AGPS: variants seen among roughly 807,000 people sequenced by gnomAD.
AGPS encodes alkylglycerone phosphate synthase.
Under a neutral mutation model 90.7 loss-of-function variants are expected in AGPS, and 26 were observed. The ratio of observed to expected loss-of-function variants is 0.29; its 90% confidence interval spans 0.21 to 0.40. The LOEUF is 0.40. AGPS is among the 10% of genes least tolerant of loss of function. The pLI is 1.00. For missense variants in AGPS, 540 were observed against 816.1 expected, an observed-to-expected ratio of 0.66 and a Z score of 4.12; for synonymous variants, 294 against 285.3, an observed-to-expected ratio of 1.03 and a Z score of -0.31.
intron 11 of AGPS, among the ~76,000 whole-genome samples, chr2:177,488,328 TCAGGCTCCTGAGTAGCTGGGACTA>T (rs1366266027): frequency 1.3e-5 from 2 of 151,832 alleles, no homozygotes; most frequent in Non-Finnish European, 2.9e-5. Context: ...TTCTCCTGCC[TCAGGCTCCTGAGTAGCTGGGACTA>T]CAGGCGCCCG....
chr2:177,485,005 C>T (rs1328233666), intron 11 of AGPS, among the ~76,000 whole-genome samples: 2 of 151,930 alleles, frequency 1.3e-5, no homozygotes, highest in African/African-American at 4.8e-5. Flanking sequence ...TGGACTCAAG[C>T]GATCCTCCAG....
rs550269472 is a variant in AGPS at position 177,503,765 on chromosome 2, A to G, written c.1476-1741A>G. On this transcript the variant is annotated intron_variant, in intron 14 of 19. Coordinates refer to ENST00000264167, the MANE Select transcript of AGPS (RefSeq NM_003659.4). ...TTTCAAAAAGTTCAGTCATAAGTCTATGATTTCCTTGTAAAGCCCAGACTG... is the reference window on the plus strand; with the variant it reads ...TTTCAAAAAGTTCAGTCATAAGTCTGTGATTTCCTTGTAAAGCCCAGACTG... Among the ~76,000 whole-genome samples the G allele has an allele frequency of 3.9e-5, 6 of 152,306 alleles. No individual in the cohort carries two copies. In the South Asian group the frequency reaches 8.3e-4, roughly 21 times the overall value.
At chr2:177,517,541 G>A (rs1689055529) in intron 17 of AGPS, among the ~76,000 whole-genome samples, 1 of 151,926 alleles carries the variant, frequency 6.6e-6, no homozygotes, top group African/African-American at 2.4e-5. Context: ...CGTTTCATCT[G>A]GTCTGTTTAG....
intron 8 of AGPS, among the ~76,000 whole-genome samples, chr2:177,454,754 C>T (rs1431993640): frequency 6.6e-6 from 1 of 152,082 alleles, no homozygotes; most frequent in African/African-American, 2.4e-5. Context: ...CTAGTTCTTG[C>T]TTTTATGATC....
chr2:177,421,859 T>C (rs1221330479), intron 2 of AGPS, among the ~76,000 whole-genome samples: 1 of 152,134 alleles, frequency 6.6e-6, no homozygotes, highest in Non-Finnish European at 1.5e-5. Context: ...CATTTCTCCT[T>C]CTCTTTTTCT....
intron 2 of AGPS, among the ~76,000 whole-genome samples, chr2:177,429,279 G>T (rs953118267): frequency 6.6e-6 from 1 of 152,098 alleles, no homozygotes. Context: ...AGCGAAGTTC[G>T]TTATTACCCA....
intron 11 of AGPS, among the ~76,000 whole-genome samples, chr2:177,485,927 CA>C (rs1040884275): frequency 1.3e-5 from 2 of 151,386 alleles, no homozygotes; most frequent in African/African-American, 2.4e-5. Context: ...AAAAAACAAA[CA>C]AAAAAAACTG....
chr2:177,450,964 A>ATTCATATATATATATG (rs1686923517), intron 8 of AGPS, among the ~76,000 whole-genome samples: 1 of 123,750 alleles, frequency 8.1e-6, no homozygotes, highest in East Asian at 2.6e-4. Flanking sequence ...CATGTCTTTC[A>ATTCATATATATATATG]TATATATATA....
At chr2:177,479,903 G>A (rs1260310138) in intron 10 of AGPS, among the ~76,000 whole-genome samples, 1 of 152,172 alleles carries the variant, frequency 6.6e-6, no homozygotes, top group East Asian at 1.9e-4. Context: ...TTTTGGGGCC[G>A]GGTGCAGTGG....
intron 12 of AGPS, among the ~76,000 whole-genome samples, chr2:177,494,861 C>T (rs982298667): frequency 2.0e-5 from 3 of 152,004 alleles, no homozygotes; most frequent in African/African-American, 4.8e-5. Context: ...TTAATTGAAG[C>T]CTTTACATTA....
chr2:177,521,164 A>G, intron 17 of AGPS, 105 bp from the exon 18 acceptor site: 1 of 992,112 alleles, frequency 1.0e-6, no homozygotes, highest in Non-Finnish European at 1.6e-6. Context: ...AACTGAGATT[A>G]TATCTTAAAC....
chr2:177,413,787 G>A (rs1180575654), intron 1 of AGPS, among the ~76,000 whole-genome samples: 1 of 152,188 alleles, frequency 6.6e-6, no homozygotes, highest in African/African-American at 2.4e-5. Context: ...AAGCTTGTGT[G>A]AGTGGATATG....
chr2:177,465,786 T>A (rs1687427352), intron 9 of AGPS, among the ~76,000 whole-genome samples: 3 of 152,234 alleles, frequency 2.0e-5, no homozygotes, highest in Admixed American at 2.0e-4. Flanking sequence ...AGGGAGCTCC[T>A]AGGTCTGGGC....
At chr2:177,526,838 A>G (rs2079092619) in intron 19 of AGPS, among the ~76,000 whole-genome samples, 1 of 152,232 alleles carries the variant, frequency 6.6e-6, no homozygotes, top group Admixed American at 6.5e-5. Context: ...ACATTTATAA[A>G]GCTGTGAATA....
intron 8 of AGPS, among the ~76,000 whole-genome samples, chr2:177,455,458 T>C (rs1004867292): frequency 4.6e-5 from 7 of 152,138 alleles, no homozygotes; most frequent in African/African-American, 1.7e-4. Context: ...AAACTTTTTT[T>C]TTTTCTTTTT....
At chr2:177,426,066 C>T (rs941858711) in intron 2 of AGPS, among the ~76,000 whole-genome samples, 6 of 151,994 alleles carry the variant, frequency 3.9e-5, no homozygotes, top group African/African-American at 4.8e-5. Context: ...CTCTGAGTTC[C>T]GTGAGCAGTG....
chr2:177,392,885 C>G lies in AGPS; in HGVS notation c.96C>G (p.Asp32Glu), dbSNP rs757027567. Residue 32 changes from aspartate (D) to glutamate (E), a missense_variant, in exon 1 of 20, where the codon GAC becomes GAG. Around this residue, in one of 2 missense-constraint regions of AGPS, gnomAD observed 135 missense variants for 124.0 expected, o/e 1.09. Transcript: ENST00000264167. ...ACCGGGACCGGGACCCGGACCCGGA[C>G]CGCGCCGGGCGGAGGCTGCGGGTTC... is the stretch of plus-strand genomic sequence containing the variant. ...AADRDRDPDP[D>E]RAGRRLRVLS... 3 of 1,550,402 alleles carry G rather than the reference C, an allele frequency of 1.9e-6. No homozygotes were observed. Among genetic ancestry groups the G allele is most frequent in the African/African-American group, 1.4e-5 (1 of 72,878 alleles).
chr2:177,437,191 A>G, intron 5 of AGPS, 137 bp downstream of exon 5: 2 of 826,510 alleles, frequency 2.4e-6, no homozygotes. Context: ...TTTACATAAC[A>G]GTCTTGAAGC....
At chr2:177,452,351 G>A (rs973968226) in intron 8 of AGPS, among the ~76,000 whole-genome samples, 3 of 152,086 alleles carry the variant, frequency 2.0e-5, no homozygotes, top group Non-Finnish European at 4.4e-5. Context: ...GTATTTTAAA[G>A]CTCGGTTATT....
Sources: allele counts gnomAD v4.1 joint callset (sites outside exome capture counted in the v4.1 genomes callset), GRCh38; gene constraint gnomAD v4.1.1; regional missense constraint gnomAD v4.1.1; transcripts MANE v1.5; gene names NCBI Gene and HGNC (gene_info 2026-07-23, HGNC 2026-07-21).